PSD3: variants seen among roughly 807,000 people sequenced by gnomAD.
PSD3 encodes pleckstrin and Sec7 domain containing 3, also known as PH and SEC7 domain-containing protein 3.
Under a neutral mutation model 105.5 loss-of-function variants are expected in PSD3, and 49 were observed. The ratio of observed to expected loss-of-function variants is 0.46; its 90% CI spans 0.37 to 0.59. The LOEUF is 0.59. PSD3 is among the 20% of genes least tolerant of loss of function. PSD3 has a pLI of 0.00. For missense variants in PSD3, 1,561 were observed against 1,263.8 expected, an observed-to-expected ratio of 1.24 and a Z score of -3.57; for synonymous variants, 557 against 457.8, an observed-to-expected ratio of 1.22 and a Z score of -2.77.
intron 12 of PSD3, among the ~76,000 whole-genome samples, chr8:18,588,514 T>C (rs1420599789): frequency 1.3e-5 from 2 of 152,244 alleles, no homozygotes; most frequent in African/African-American, 4.8e-5. Context: ...AGCATTCTTA[T>C]GATTTAACTG....
chr8:19,055,157 A>C (rs548851453), intron 1 of PSD3, among the ~76,000 whole-genome samples: 1 of 152,332 alleles, frequency 6.6e-6, no homozygotes, highest in East Asian at 1.9e-4. Context: ...AGATGTTGCT[A>C]TGTTGCCATA....
At chr8:19,031,573 A>G (rs932325669) in intron 1 of PSD3, among the ~76,000 whole-genome samples, 8 of 152,150 alleles carry the variant, frequency 5.3e-5, no homozygotes, top group Non-Finnish European at 1.0e-4. Context: ...AAAAGTATCA[A>G]ACACATATGT....
chr8:19,043,739 C>T (rs1238013549), intron 1 of PSD3, among the ~76,000 whole-genome samples: 2 of 152,098 alleles, frequency 1.3e-5, no homozygotes, highest in Non-Finnish European at 2.9e-5. Flanking sequence ...TTGCCATTTC[C>T]CCTTTTGCCA....
chr8:19,071,621 C>T (rs750466554), intron 1 of PSD3, among the ~76,000 whole-genome samples: 1 of 152,158 alleles, frequency 6.6e-6, no homozygotes, highest in Non-Finnish European at 1.5e-5. Flanking sequence ...AGAGGCAGCA[C>T]CCTGAAATAA....
intron 8 of PSD3, 52 bp from the exon 9 acceptor site, chr8:18,765,590 G>T: frequency 7.3e-7 from 1 of 1,364,856 alleles, no homozygotes; most frequent in Non-Finnish European, 1.0e-6. Context: ...AATTAAGACT[G>T]ATTCATAAAT....
chr8:18,616,211 T>G (rs2130680861), intron 11 of PSD3, among the ~76,000 whole-genome samples: 1 of 152,346 alleles, frequency 6.6e-6, no homozygotes, highest in Middle Eastern at 3.4e-3. Flanking sequence ...CCTCTTAGCT[T>G]TTCCCAACTC....
At position 18,903,783 on chromosome 8, in the gene PSD3, T is replaced by C. The variant is rs749541012; in HGVS notation, c.131-31050A>G. 5.3e-4 allele frequency among the ~76,000 whole-genome samples: 80 copies of C among 152,176 alleles called. 1 individual carries two copies. The highest frequency in any genetic ancestry group is 8.8e-4 in the Non-Finnish European group (60 of 67,998). ...TGCTGCTTCAGCTTAGGTACTAGGATATAGGACCTTTCTGGGGGGCCAAGG... is the reference window on the plus strand; with the variant it reads ...TGCTGCTTCAGCTTAGGTACTAGGACATAGGACCTTTCTGGGGGGCCAAGG... On this transcript the variant is annotated intron_variant, in intron 2 of 15. Transcript: ENST00000327040.
At chr8:18,667,157 CTCT>C (rs1207924697) in intron 9 of PSD3, among the ~76,000 whole-genome samples, 1 of 152,136 alleles carries the variant, frequency 6.6e-6, no homozygotes, top group African/African-American at 2.4e-5. Context: ...TGCTTTTATT[CTCT>C]TATCTGGCCC....
At chr8:19,040,352 G>C (rs184056802) in intron 1 of PSD3, among the ~76,000 whole-genome samples, 3 of 152,032 alleles carry the variant, frequency 2.0e-5, no homozygotes, top group African/African-American at 4.8e-5. Context: ...CCACAGGCAC[G>C]CGCCACCACC....
At chr8:19,019,305 A>G (rs1827284904) in intron 1 of PSD3, among the ~76,000 whole-genome samples, 1 of 152,182 alleles carries the variant, frequency 6.6e-6, no homozygotes, top group Non-Finnish European at 1.5e-5. Flanking sequence ...GAGTCATTGC[A>G]CGTCAAAAAA....
At chr8:18,728,470 G>C (rs1803491934) in intron 9 of PSD3, among the ~76,000 whole-genome samples, 1 of 152,182 alleles carries the variant, frequency 6.6e-6, no homozygotes, top group Non-Finnish European at 1.5e-5. Flanking sequence ...GTGAGTATGA[G>C]TTACCCAGAC....
chr8:18,587,824 G>C (rs1239080333), intron 12 of PSD3, among the ~76,000 whole-genome samples: 1 of 152,158 alleles, frequency 6.6e-6, no homozygotes, highest in South Asian at 2.1e-4. Flanking sequence ...CACAGTACCT[G>C]ATGTGATAAA....
chr8:18,777,432 G>A (rs551995947), intron 8 of PSD3, among the ~76,000 whole-genome samples: 60 of 152,194 alleles, frequency 3.9e-4, no homozygotes, highest in Non-Finnish European at 4.6e-4. Flanking sequence ...TTTATGCTCT[G>A]ACCTTTATTG....
At chr8:18,737,792 G>A (rs1256508677) in intron 9 of PSD3, among the ~76,000 whole-genome samples, 1 of 152,038 alleles carries the variant, frequency 6.6e-6, no homozygotes, top group Non-Finnish European at 1.5e-5. Context: ...CTGAACTTCA[G>A]TAGAAAATAT....
chr8:18,751,026 C>A (rs528167344), intron 9 of PSD3, among the ~76,000 whole-genome samples: 1 of 152,292 alleles, frequency 6.6e-6, no homozygotes, highest in African/African-American at 2.4e-5. Flanking sequence ...GCCTGCCAGT[C>A]CTGCGCGATG....
chr8:19,011,515 C>A (rs1826948206), intron 1 of PSD3, among the ~76,000 whole-genome samples: 1 of 152,130 alleles, frequency 6.6e-6, no homozygotes, highest in African/African-American at 2.4e-5. Context: ...TTTTCTTTTT[C>A]AATGAGCTAC....
intron 1 of PSD3, among the ~76,000 whole-genome samples, chr8:18,998,655 C>G (rs879705147): frequency 6.6e-6 from 1 of 151,920 alleles, no homozygotes; most frequent in Non-Finnish European, 1.5e-5. Flanking sequence ...CCACTGCACT[C>G]CAGCCCGAGC....
intron 9 of PSD3, among the ~76,000 whole-genome samples, chr8:18,754,652 C>T (rs956065436): frequency 2.6e-5 from 4 of 151,966 alleles, no homozygotes; most frequent in Non-Finnish European, 5.9e-5. Context: ...GATCTAAATA[C>T]AGGTTGTGTG....
At chr8:18,700,601 G>A (rs1048760477) in intron 9 of PSD3, among the ~76,000 whole-genome samples, 1 of 152,200 alleles carries the variant, frequency 6.6e-6, no homozygotes, top group Non-Finnish European at 1.5e-5. Flanking sequence ...CAGACATACT[G>A]GGGGAAAACC....
Sources: allele counts gnomAD v4.1 joint callset (sites outside exome capture counted in the v4.1 genomes callset), GRCh38; gene constraint gnomAD v4.1.1; transcripts MANE v1.5; gene names NCBI Gene and HGNC (gene_info 2026-07-23, HGNC 2026-07-21).